KMT2C: variants seen among roughly 807,000 people sequenced by gnomAD.
The protein encoded by KMT2C is histone-lysine N-methyltransferase 2C.
KMT2C carries 88 observed loss-of-function variants against 507.9 expected under a neutral mutation model. That is an observed-to-expected ratio of 0.17 (90% CI 0.15 to 0.21). The LOEUF is 0.21. KMT2C is among the 10% of genes least tolerant of loss of function. The pLI is 1.00. For synonymous variants in KMT2C, 2,049 were observed against 2,080.8 expected, an observed-to-expected ratio of 0.98 and a Z score of 0.42; for missense variants, 4,954 against 5,957.8, an observed-to-expected ratio of 0.83 and a Z score of 5.55.
chr7:152,356,061 G>A (rs758062240), intron 2 of KMT2C, among the ~76,000 whole-genome samples: 1 of 152,080 alleles, frequency 6.6e-6, no homozygotes, highest in Non-Finnish European at 1.5e-5. Flanking sequence ...GGCTTTATCC[G>A]CAGTCTTTAT....
intron 6 of KMT2C, among the ~76,000 whole-genome samples, chr7:152,296,445 A>AAGAGAGAG (rs367694956): frequency 6.7e-6 from 1 of 149,498 alleles, no homozygotes; most frequent in African/African-American, 2.5e-5. Context: ...AAAAAAAAAA[A>AAGAGAGAG]AGAGAGAGAG....
chr7:152,201,580 G>A (rs1366186774), intron 26 of KMT2C, among the ~76,000 whole-genome samples: 1 of 131,412 alleles, frequency 7.6e-6, no homozygotes, highest in African/African-American at 3.0e-5. Flanking sequence ...TAAGAAGGGA[G>A]GTAAAGGGAA....
At chr7:152,256,335 A>T (rs182683258) in intron 9 of KMT2C, among the ~76,000 whole-genome samples, 17 of 152,202 alleles carry the variant, frequency 1.1e-4, no homozygotes, top group East Asian at 7.7e-4. Context: ...GGCAAAAAAA[A>T]AATAATAAAA....
intron 1 of KMT2C, among the ~76,000 whole-genome samples, chr7:152,394,718 A>G (rs987392723): frequency 6.6e-6 from 1 of 152,198 alleles, no homozygotes; most frequent in African/African-American, 2.4e-5. Context: ...CCGTGAAGGA[A>G]GGCAATGAAC....
At chr7:152,257,528 T>C (rs534104396) in intron 9 of KMT2C, among the ~76,000 whole-genome samples, 1 of 152,098 alleles carries the variant, frequency 6.6e-6, no homozygotes, top group African/African-American at 2.4e-5. Context: ...TAAAATCTAT[T>C]ACTGAGAGCA....
intron 13 of KMT2C, 103 bp downstream of exon 13, chr7:152,249,773 G>C (rs142981744): frequency 3.6e-4 from 90 of 252,344 alleles, no homozygotes; most frequent in African/African-American, 1.8e-3. Flanking sequence ...AAAAGATTTA[G>C]TTACCGTAAT....
At chr7:152,169,449 G>A (rs1396987684) in intron 40 of KMT2C, among the ~76,000 whole-genome samples, 200 bp from the exon 41 acceptor site, 2 of 152,068 alleles carry the variant, frequency 1.3e-5, no homozygotes, top group Admixed American at 1.3e-4. Context: ...TACTATCTCT[G>A]AACTACTATA....
At chr7:152,249,366 C>CAAGCTGG (rs1290099492) in intron 13 of KMT2C, among the ~76,000 whole-genome samples, 6 of 141,744 alleles carry the variant, frequency 4.2e-5, no homozygotes, top group Non-Finnish European at 9.0e-5. Flanking sequence ...CTCTGTGACC[C>CAAGCTGG]AAGCTGGAGT....
chr7:152,253,977 T>TA (rs1236485107), intron 9 of KMT2C, among the ~76,000 whole-genome samples: 3 of 152,092 alleles, frequency 2.0e-5, no homozygotes, highest in Non-Finnish European at 4.4e-5. Context: ...ATTTTGAATC[T>TA]AAAATATCAA....
intron 23 of KMT2C, among the ~76,000 whole-genome samples, chr7:152,209,759 AAGAC>A (rs1456451338): frequency 2.0e-5 from 3 of 151,584 alleles, no homozygotes; most frequent in African/African-American, 7.3e-5. Flanking sequence ...AAAAAAAAAA[AAGAC>A]AATAGGAAAG....
intron 8 of KMT2C, among the ~76,000 whole-genome samples, chr7:152,263,894 A>G (rs2095820247): frequency 6.6e-6 from 1 of 152,102 alleles, no homozygotes; most frequent in Admixed American, 6.5e-5. Flanking sequence ...AGAGGAGGGG[A>G]AAAGAAACAA....
intron 23 of KMT2C, among the ~76,000 whole-genome samples, chr7:152,215,513 CAAAAAAAAA>C (rs35751147): frequency 3.5e-4 from 9 of 25,954 alleles, no homozygotes; most frequent in Non-Finnish European, 6.3e-4. Context: ...GACTCTGTCT[CAAAAAAAAA>C]AAAAAAAAAA....
chr7:152,252,485 CA>C, intron 10 of KMT2C, 60 bp downstream of exon 10: 1 of 1,369,870 alleles, frequency 7.3e-7, no homozygotes, highest in Middle Eastern at 2.3e-4. Flanking sequence ...GATGGTAGAG[CA>C]AATGACCACA....
intron 1 of KMT2C, among the ~76,000 whole-genome samples, chr7:152,397,681 T>C (rs1200196828): frequency 6.6e-6 from 1 of 152,154 alleles, no homozygotes; most frequent in Non-Finnish European, 1.5e-5. Context: ...TGTTGTGGAA[T>C]GGACACAGTG....
At position 152,183,013 on chromosome 7, in the gene KMT2C, T is replaced by C. The variant is rs2129121461; in HGVS notation, c.5226A>G (p.Gln1742=). The part of the protein sequence containing the change: ...DSELFKDPLK[Q]RESEHEQEWK... ...ATTCCTGTTCATGTTCTGATTCTCTTTGCTTTAAAGGATCTTTAAAAAGCT... is the reference window on the plus strand; with the variant it reads ...ATTCCTGTTCATGTTCTGATTCTCTCTGCTTTAAAGGATCTTTAAAAAGCT... Residue 1742 remains glutamine (Q), a synonymous_variant, in exon 35 of 59, where the codon CAA becomes CAG. Coordinates refer to ENST00000262189, the MANE Select transcript of KMT2C (RefSeq NM_170606.3). The C allele has an allele frequency of 3.7e-6, 6 of 1,606,736 alleles. No individual in the cohort carries two copies. Among genetic ancestry groups the C allele is most frequent in the Non-Finnish European group, 5.1e-6 (6 of 1,178,058 alleles).
chr7:152,335,191 A>T (rs2096922653), intron 2 of KMT2C, among the ~76,000 whole-genome samples: 2 of 152,214 alleles, frequency 1.3e-5, no homozygotes, highest in African/African-American at 4.8e-5. Context: ...GTATTTTTAC[A>T]GCCAAAGATA....
At chr7:152,260,300 A>T (rs2095747479) in intron 9 of KMT2C, among the ~76,000 whole-genome samples, 2 of 152,208 alleles carry the variant, frequency 1.3e-5, no homozygotes, top group Admixed American at 1.3e-4. Flanking sequence ...ACAAAGAGCA[A>T]ATTAGAAAGA....
intron 3 of KMT2C, among the ~76,000 whole-genome samples, chr7:152,326,114 T>G: frequency 6.6e-6 from 1 of 152,158 alleles, no homozygotes. Flanking sequence ...TTTATTAGTG[T>G]GTTACAAAAA....
intron 3 of KMT2C, among the ~76,000 whole-genome samples, chr7:152,316,246 C>T (rs1373640318): frequency 1.3e-5 from 2 of 151,896 alleles, no homozygotes; most frequent in Non-Finnish European, 2.9e-5. Flanking sequence ...GATACTGAGC[C>T]CTAATGTAAA....
Sources: allele counts gnomAD v4.1 joint callset (sites outside exome capture counted in the v4.1 genomes callset), GRCh38; gene constraint gnomAD v4.1.1; transcripts MANE v1.5; gene names NCBI Gene and HGNC (gene_info 2026-07-23, HGNC 2026-07-21).